PDK1: variants seen among roughly 807,000 people sequenced by gnomAD.
PDK1 encodes the protein pyruvate dehydrogenase kinase 1.
Under a neutral mutation model 54.2 loss-of-function variants are expected in PDK1, and 39 were observed. The ratio of observed to expected loss-of-function variants is 0.72; its 90% CI spans 0.56 to 0.94. PDK1 has a LOEUF of 0.94. PDK1 is among the 40% of genes least tolerant of loss of function. PDK1 has a pLI of 0.00. For missense variants in PDK1, 552 were observed against 566.0 expected (o/e 0.98, Z 0.25); for synonymous variants, 221 against 207.1 (o/e 1.07, Z -0.58).
intron 2 of PDK1, among the ~76,000 whole-genome samples, chr2:172,561,180 A>T (rs1688636013): frequency 6.6e-6 from 1 of 152,228 alleles, no homozygotes; most frequent in Non-Finnish European, 1.5e-5. Context: ...AAAATTCTTC[A>T]TTAGAAGTAG....
At chr2:172,669,704 A>C in the PDK1 span, among the ~76,000 whole-genome samples, 1 of 152,152 alleles carries the variant, frequency 6.6e-6, no homozygotes, top group Non-Finnish European at 1.5e-5. Context: ...AATTTAATAG[A>C]TGTGAAATGA....
the PDK1 span, among the ~76,000 whole-genome samples, chr2:172,679,787 A>C: frequency 2.7e-4 from 41 of 152,334 alleles, no homozygotes; most frequent in African/African-American, 9.6e-4. Flanking sequence ...GAAACAAGAA[A>C]GAAAAGAAGG....
chr2:172,708,182 G>A, the PDK1 span, among the ~76,000 whole-genome samples: 12 of 151,976 alleles, frequency 7.9e-5, no homozygotes, highest in African/African-American at 2.2e-4. Flanking sequence ...CCAGCTATTC[G>A]GGAGGATGAG....
Position 172,564,603 on chromosome 2 carries a change from C to G in PDK1, c.511C>G (p.Pro171Ala), listed in dbSNP as rs2149209237. The G allele has an allele frequency of 6.2e-7, 1 of 1,614,014 alleles. No individual in the cohort carries two copies. Among genetic ancestry groups the G allele is most frequent in the Non-Finnish European group, 8.5e-7 (1 of 1,179,914 alleles). The change falls in exon 4 of 11, where the codon CCT becomes GCT. Residue 171 changes from proline (P) to alanine (A), a missense_variant. By Grantham distance (27) the Pro-to-Ala change is conservative. Coordinates refer to ENST00000282077, the MANE Select transcript of PDK1 (RefSeq NM_002610.5). ...IEYKESFGVD[P>A]VTSQNVQYFL... ...ATACAAGGAGAGCTTTGGGGTGGAT[C>G]CTGTCACCAGCCAGAATGTTCAGTA...
chr2:172,635,875 C>T, the PDK1 span, among the ~76,000 whole-genome samples: 1 of 152,226 alleles, frequency 6.6e-6, no homozygotes, highest in Non-Finnish European at 1.5e-5. Flanking sequence ...CAAAGCCCAC[C>T]AGAATTATTC....
the PDK1 span, among the ~76,000 whole-genome samples, chr2:172,653,603 CAAA>C: frequency 8.4e-4 from 116 of 137,334 alleles, no homozygotes; most frequent in African/African-American, 2.5e-3. Flanking sequence ...GACTCCATCT[CAAA>C]AAAAAAAAAA....
At chr2:172,638,207 T>C in the PDK1 span, among the ~76,000 whole-genome samples, 1 of 152,212 alleles carries the variant, frequency 6.6e-6, no homozygotes, top group Non-Finnish European at 1.5e-5. Context: ...ATGGCACTTT[T>C]ATTTAAAAAA....
At chr2:172,697,534 G>A in the PDK1 span, among the ~76,000 whole-genome samples, 1 of 152,120 alleles carries the variant, frequency 6.6e-6, no homozygotes, top group African/African-American at 2.4e-5. Context: ...TACACGTGCT[G>A]AGCAGTGATG....
chr2:172,586,517 C>G (rs770664187), intron 9 of PDK1, 129 bp downstream of exon 9: 14 of 527,414 alleles, frequency 2.7e-5, no homozygotes, highest in Non-Finnish European at 4.8e-5. Context: ...TAGAAATGCA[C>G]ACTTTCCCCT....
the PDK1 span, among the ~76,000 whole-genome samples, chr2:172,682,481 C>T: frequency 6.6e-6 from 1 of 152,202 alleles, no homozygotes; most frequent in Admixed American, 6.5e-5. Context: ...CTGCCAAAAT[C>T]CACCCTCCTT....
chr2:172,580,578 C>A (rs1489397882), intron 8 of PDK1, among the ~76,000 whole-genome samples: 1 of 152,146 alleles, frequency 6.6e-6, no homozygotes, highest in Non-Finnish European at 1.5e-5. Flanking sequence ...AAGAAAAATT[C>A]ATAATGACCC....
the PDK1 span, among the ~76,000 whole-genome samples, chr2:172,717,470 T>C: frequency 6.6e-6 from 1 of 152,236 alleles, no homozygotes; most frequent in Non-Finnish European, 1.5e-5. Context: ...AAACTACCTT[T>C]AGTTACTACG....
At chr2:172,683,122 G>A in the PDK1 span, among the ~76,000 whole-genome samples, 26,786 of 151,898 alleles carry the variant, frequency 0.18, 2,711 homozygotes, top group African/African-American at 0.27. Flanking sequence ...CGAGGCGGGC[G>A]GATCACGAGG....
At chr2:172,655,434 TAGAA>T in the PDK1 span, among the ~76,000 whole-genome samples, 18 of 152,350 alleles carry the variant, frequency 1.2e-4, no homozygotes, top group Non-Finnish European at 2.1e-4. Flanking sequence ...ATCCCACTAA[TAGAA>T]AGAGCTCATT....
At chr2:172,632,280 T>TA in the PDK1 span, among the ~76,000 whole-genome samples, 252 of 144,240 alleles carry the variant, frequency 1.7e-3, 1 homozygote, top group Admixed American at 5.7e-3. Context: ...TAAAAAAAAT[T>TA]AAAAAAAAAA....
the PDK1 span, among the ~76,000 whole-genome samples, chr2:172,639,946 G>A: frequency 0.071 from 10,846 of 152,248 alleles, 504 homozygotes; most frequent in Middle Eastern, 0.11. Flanking sequence ...TTTAGTCTGC[G>A]TAGACAGGGC....
At chr2:172,632,995 G>GAAAAAAAAAAA in the PDK1 span, among the ~76,000 whole-genome samples, 5 of 67,510 alleles carry the variant, frequency 7.4e-5, no homozygotes, top group Non-Finnish European at 1.7e-4. Context: ...AAAAAAAAAG[G>GAAAAAAAAAAA]AACATAGATG....
Position 172,601,734 on chromosome 2 carries a change from A to AC in PDK1, c.*5767dup, listed in dbSNP as rs1162671078. On this transcript the variant is annotated 3_prime_UTR_variant, in exon 11 of 11. Coordinates refer to ENST00000282077, the MANE Select transcript of PDK1 (RefSeq NM_002610.5). Reference sequence around the variant, plus strand: ...AGGTAAAGCCACAGCTGTGGCAGCAACCAGCTAGTGGGTGTCCCTTGATGG... The same window carrying AC: ...AGGTAAAGCCACAGCTGTGGCAGCAACCCAGCTAGTGGGTGTCCCTTGATGG... The AC allele has an allele frequency of 6.6e-6, 1 of 152,208 alleles. No homozygotes were observed. The highest frequency in any genetic ancestry group is 1.9e-4 in the East Asian group (1 of 5,198). 9.4% of individuals were successfully genotyped at this position (152,208 alleles called of 1,614,324 possible). A position where few individuals can be genotyped will look rare whatever the true frequency, so the allele number is the denominator to read the frequency against.
At chr2:172,555,837 T>G (rs1354998505), upstream of PDK1, 2 of 258,036 alleles carry the variant, frequency 7.8e-6, no homozygotes, top group African/African-American at 4.5e-5. Flanking sequence ...ACCCCACACC[T>G]CGCCGGCTGG....
Sources: allele counts gnomAD v4.1 joint callset (sites outside exome capture counted in the v4.1 genomes callset), GRCh38; gene constraint gnomAD v4.1.1; transcripts MANE v1.5; gene names NCBI Gene and HGNC (gene_info 2026-07-23, HGNC 2026-07-21).